The following DNAH17 variants were observed in gnomAD, a reference collection of about 807,000 sequenced individuals.
DNAH17 encodes the protein dynein axonemal heavy chain 17.
DNAH17 carries 376 observed loss-of-function variants against 485.6 expected under a neutral mutation model. The ratio of observed to expected loss-of-function variants is 0.77; its 90% confidence interval spans 0.71 to 0.84. DNAH17 has a LOEUF of 0.84. Ranked by LOEUF, DNAH17 falls within the 40% of genes least tolerant of loss-of-function variation. The probability of loss-of-function intolerance (pLI) is 0.00; values close to 1 mark genes in which losing one functional copy is unlikely to be tolerated. For missense variants in DNAH17, 6,370 were observed against 5,839.3 expected, an observed-to-expected ratio of 1.09 and a Z score of -2.96; for synonymous variants, 3,031 against 2,405.9, an observed-to-expected ratio of 1.26 and a Z score of -7.60.
rs939179750 is a variant in DNAH17, at chr17:78,428,689, C to T, written c.12424G>A (p.Asp4142Asn). The change falls in exon 77 of 81, where the codon GAT (aspartate) becomes AAT (asparagine). Residue 4142 changes from aspartate to asparagine, a missense_variant. Asp to Asn is a conservative substitution (Grantham distance 23). Transcript: ENST00000389840. Reference sequence around the variant, plus strand: ...GGACTCTCAGGGGGCAGGTTCTCATCGATGTATTCGTGGTAACCCTGAAAA... The same window carrying T: ...GGACTCTCAGGGGGCAGGTTCTCATTGATGTATTCGTGGTAACCCTGAAAA... The part of the protein sequence containing the change: ...LDYKGYHEYI[D>N]ENLPPESPYL... 2.4e-5 allele frequency: 39 copies of T among 1,613,672 alleles called. No homozygotes were observed. The highest frequency in any genetic ancestry group is 4.4e-5 in the South Asian group (4 of 91,062).
intron 31 of DNAH17, among the ~76,000 whole-genome samples, chr17:78,504,735 TG>T (rs2090429607): frequency 6.6e-6 from 1 of 152,098 alleles, no homozygotes. Flanking sequence ...ACGCGCTTGC[TG>T]GGGAAGGAAG....
At chr17:78,444,930 G>T (rs878981789) in intron 70 of DNAH17, 133 bp from the exon 71 acceptor site, 2 of 913,326 alleles carry the variant, frequency 2.2e-6, no homozygotes, top group South Asian at 4.0e-5. Context: ...AAGGAAGCCC[G>T]AGAGGCTGGC....
Position 78,494,654 on chromosome 17 carries a change from A to G in DNAH17, c.6209T>C (p.Leu2070Pro). 1 of 1,613,996 alleles carries G rather than the reference A, an allele frequency of 6.2e-7. No individual in the cohort carries two copies. Among genetic ancestry groups the G allele is most frequent in the Non-Finnish European group, 8.5e-7 (1 of 1,179,902 alleles). Residue 2070 changes from leucine (L) to proline (P), a missense_variant, in exon 40 of 81, where the codon CTG becomes CCG. Coordinates refer to ENST00000389840, the MANE Select transcript of DNAH17 (RefSeq NM_173628.4). ...VTDDLPVFMG[L>P]IGDLFPALDV... ...CAGAGCCGGGAAGAGGTCCCCGATC[A>G]GTCCCATGAATACGGGCAGGTCGTC...
Position 78,543,867 on chromosome 17 carries a change from G to A in DNAH17, c.2522C>T (p.Ala841Val), listed in dbSNP as rs370699395. The change falls in exon 17 of 81, where the codon GCC (alanine) becomes GTC (valine). Residue 841 changes from alanine to valine, a missense_variant. Ala to Val is a moderately conservative substitution (Grantham distance 64). Coordinates refer to ENST00000389840, the MANE Select transcript of DNAH17 (RefSeq NM_173628.4). ...TGGGTGTTTCCTTACTGCAACCATG[G>A]CTTGGATCTTCACTCCAGCATCCCT... ...AVRDAGVKIQ[A>V]MVAENAELFR... 1.2e-5 allele frequency: 20 copies of A among 1,613,908 alleles called. No homozygotes were observed. The highest frequency in any genetic ancestry group is 1.5e-5 in the Non-Finnish European group (18 of 1,179,896).
rs374226954 is a variant in DNAH17 at position 78,574,089 on chromosome 17, G to A, written c.345+624C>T. ...CCTTCCCAGGCCATGGGCAGCAACC[G>A]TACCCGGCACAGCATGGCAGTCTCA... is the stretch of plus-strand genomic sequence containing the variant. On this transcript the variant is annotated intron_variant, in intron 2 of 80. Transcript: ENST00000389840. 3.8e-3 allele frequency among the ~76,000 whole-genome samples: 578 copies of A among 152,274 alleles called. 2 individuals carry two copies. Among genetic ancestry groups the A allele is most frequent in the Non-Finnish European group, 6.9e-3 (466 of 68,010 alleles).
chr17:78,563,502 A>T (rs1421111406), intron 11 of DNAH17, among the ~76,000 whole-genome samples: 1 of 138,362 alleles, frequency 7.2e-6, no homozygotes, highest in Non-Finnish European at 1.6e-5. Flanking sequence ...AAAAACCTGA[A>T]GACCCATCAT....
Position 78,460,152 on chromosome 17 carries a change from C to A in DNAH17, c.9435+10G>T. 2 of 1,597,916 alleles carry A rather than the reference C, an allele frequency of 1.3e-6. No individual in the cohort carries two copies. The highest frequency in any genetic ancestry group is 1.7e-4 in the Middle Eastern group (1 of 6,014). ...GGCCAGGGGTCCCCTTTCTTTCCCT[C>A]CCCCTTTACCTTATTCAGAGTGTCC... On this transcript the variant is annotated intron_variant, in intron 59 of 80. Coordinates refer to ENST00000389840, the MANE Select transcript of DNAH17 (RefSeq NM_173628.4).
At chr17:78,475,047 G>C (rs1345478059) in intron 54 of DNAH17, among the ~76,000 whole-genome samples, 1 of 132,764 alleles carries the variant, frequency 7.5e-6, no homozygotes, top group Non-Finnish European at 1.6e-5. Context: ...CTTCACCTCA[G>C]TCACACGGGC....
intron 75 of DNAH17, among the ~76,000 whole-genome samples, chr17:78,430,096 C>T (rs690791): frequency 0.16 from 24,152 of 152,158 alleles, 2,022 homozygotes; most frequent in Middle Eastern, 0.2. Context: ...TGCTCTGGAA[C>T]ATTCTTCTTC....
At chr17:78,470,425 C>G (rs369732148) in intron 54 of DNAH17, among the ~76,000 whole-genome samples, 6 of 151,438 alleles carry the variant, frequency 4.0e-5, no homozygotes, top group Admixed American at 2.0e-4. Context: ...CACGGTGGCT[C>G]ACACCTGTAA....
chr17:78,497,951 T>C (rs1432396813), intron 37 of DNAH17, among the ~76,000 whole-genome samples: 1 of 152,062 alleles, frequency 6.6e-6, no homozygotes, highest in Non-Finnish European at 1.5e-5. Flanking sequence ...AAGACCAACC[T>C]GACCAACACG....
chr17:78,550,660 C>CA (rs1490597454), intron 16 of DNAH17, among the ~76,000 whole-genome samples: 1 of 152,140 alleles, frequency 6.6e-6, no homozygotes, highest in East Asian at 1.9e-4. Flanking sequence ...CTTGGCCTTC[C>CA]AGCCTCCAGA....
In DNAH17 at chr17:78,468,666, C is replaced by T. The variant is rs748164019; in HGVS notation, c.8729G>A (p.Arg2910Gln). 12 of 1,613,792 alleles carry T rather than the reference C, an allele frequency of 7.4e-6. 1 individual carries two copies. The highest frequency in any genetic ancestry group is 1.6e-4 in the Middle Eastern group (1 of 6,084). ...QVKSLGMNDT[R>Q]ETCWKFFIEK... ...GATGAAGAACTTCCAACATGTTTCC[C>T]GAGTGTCATTCATGCCAAGGGACTT... The change falls in exon 55 of 81, where the codon CGG becomes CAG. Residue 2910 changes from arginine to glutamine, a missense_variant. Physicochemically the swap from Arg to Gln is conservative, Grantham distance 43. Transcript: ENST00000389840.
intron 62 of DNAH17, among the ~76,000 whole-genome samples, chr17:78,456,305 A>G (rs1328462874): frequency 6.6e-6 from 1 of 152,164 alleles, no homozygotes; most frequent in Middle Eastern, 3.2e-3. Flanking sequence ...TCTCAAAACA[A>G]AAACAAAAAC....
At chr17:78,539,905 G>T in intron 17 of DNAH17, 25 bp from the exon 18 acceptor site, 1 of 1,541,898 alleles carries the variant, frequency 6.5e-7, no homozygotes, top group Non-Finnish European at 8.7e-7. Flanking sequence ...GCACAGTTGG[G>T]CCTCACTTCA....
chr17:78,464,018 T>G (rs1048343728), intron 56 of DNAH17, among the ~76,000 whole-genome samples: 1 of 152,190 alleles, frequency 6.6e-6, no homozygotes, highest in Admixed American at 6.5e-5. Flanking sequence ...AATGCTCTAA[T>G]GGCAAGTAGG....
chr17:78,491,304 G>T, intron 43 of DNAH17, 139 bp downstream of exon 43: 2 of 1,270,626 alleles, frequency 1.6e-6, no homozygotes, highest in Non-Finnish European at 2.1e-6. Context: ...CTCACTCATA[G>T]CTTCCTGTGG....
At chr17:78,481,766 G>A (rs759204285) in intron 48 of DNAH17, among the ~76,000 whole-genome samples, 7 of 152,136 alleles carry the variant, frequency 4.6e-5, no homozygotes, top group Non-Finnish European at 8.8e-5. Context: ...TGTAATCCTA[G>A]CACTTTGGGA....
chr17:78,454,538 G>C lies in DNAH17; in HGVS notation c.10338C>G (p.Leu3446=). The C allele has an allele frequency of 6.2e-7, 1 of 1,613,416 alleles. No individual in the cohort carries two copies. The highest frequency in any genetic ancestry group is 8.5e-7 in the Non-Finnish European group (1 of 1,179,858). ...TGTTTTTGATCCACTTGATTCCTTG[G>C]AGCTGGGCGTCCACGATCAGCGGCC... ...ERWPLIVDAQ[L]QGIKWIKNKY... Residue 3446 remains leucine (L), a synonymous_variant, in exon 64 of 81, where the codon CTC becomes CTG. Transcript: ENST00000389840.
Sources: gnomAD v4.1 joint callset for allele counts (sites outside exome capture counted in the v4.1 genomes callset) on GRCh38, gnomAD v4.1.1 for gene constraint, MANE v1.5 for transcripts, NCBI Gene and HGNC (gene_info 2026-07-23, HGNC 2026-07-21) for gene names.